Variants in RP1 observed in about 807,000 individuals in gnomAD.
RP1 encodes oxygen-regulated protein 1.
RP1 carries 16 observed loss-of-function variants against 14.8 expected under a neutral mutation model. The observed-to-expected ratio is 1.08, with a 90% CI of 0.73 to 1.65. The LOEUF (loss-of-function observed/expected upper bound fraction) is 1.65, where lower values mean the gene tolerates loss of function less well. RP1 is among the 40% of genes most tolerant of loss of function. The probability of loss-of-function intolerance (pLI) is 0.00; values close to 1 mark genes in which losing one functional copy is unlikely to be tolerated. For missense variants in RP1, 2,631 were observed against 2,535.0 expected (o/e 1.04, Z -0.81); for synonymous variants, 876 against 883.6 (o/e 0.99, Z 0.15).
downstream of RP1, among the ~76,000 whole-genome samples, chr8:54,632,420 C>G (rs2129319527): frequency 6.6e-6 from 1 of 152,326 alleles, no homozygotes; most frequent in East Asian, 1.9e-4. Context: ...TAACATACTT[C>G]TTCTTTAAAC....
At chr8:54,590,732 G>T (rs577748256) in intron 1 of RP1, among the ~76,000 whole-genome samples, 1 of 152,132 alleles carries the variant, frequency 6.6e-6, no homozygotes, top group Admixed American at 6.5e-5. Flanking sequence ...ATCTGCAAGC[G>T]TATTACTCTC....
At chr8:54,827,473 T>A (rs1169883221) in intron 24 of RP1, among the ~76,000 whole-genome samples, 1 of 152,034 alleles carries the variant, frequency 6.6e-6, no homozygotes, top group East Asian at 1.9e-4. Flanking sequence ...GGACTCCAGG[T>A]GCGTGCCACC....
intron 24 of RP1, among the ~76,000 whole-genome samples, chr8:54,793,979 A>G (rs1164223391): frequency 6.6e-6 from 1 of 152,004 alleles, no homozygotes; most frequent in Non-Finnish European, 1.5e-5. Context: ...TGCAAGCTAC[A>G]AAATCAACAT....
exon 14 of RP1, chr8:54,701,520 T>C (rs1328134639): frequency 1.3e-6 from 2 of 1,535,160 alleles, no homozygotes; most frequent in Admixed American, 3.9e-5. Context: ...CTGCGGGTGC[T>C]TTATCAGCCT....
intron 24 of RP1, among the ~76,000 whole-genome samples, chr8:54,830,843 C>T (rs1344398524): frequency 6.6e-6 from 1 of 152,100 alleles, no homozygotes; most frequent in Non-Finnish European, 1.5e-5. Context: ...ACTCTGTACA[C>T]ATTCAGCAAT....
chr8:54,654,043 G>A (rs919028436), intron 5 of RP1, among the ~76,000 whole-genome samples: 8 of 152,182 alleles, frequency 5.3e-5, no homozygotes, highest in Admixed American at 2.0e-4. Flanking sequence ...TCTATGGCAA[G>A]TATTCTCTCA....
intron 1 of RP1, among the ~76,000 whole-genome samples, chr8:54,588,882 A>G (rs1804987848): frequency 6.6e-6 from 1 of 152,254 alleles, no homozygotes; most frequent in Non-Finnish European, 1.5e-5. Context: ...AGCACTTAAC[A>G]TATGTACTCA....
At chr8:54,672,708 T>C (rs1807205090) in intron 7 of RP1, among the ~76,000 whole-genome samples, 1 of 152,194 alleles carries the variant, frequency 6.6e-6, no homozygotes, top group Non-Finnish European at 1.5e-5. Flanking sequence ...ATTATTTTAT[T>C]ATTTCTAATG....
intron 22 of RP1, among the ~76,000 whole-genome samples, chr8:54,759,512 G>A (rs1809587496): frequency 6.6e-6 from 1 of 152,144 alleles, no homozygotes; most frequent in Non-Finnish European, 1.5e-5. Flanking sequence ...TAGGTAAGTT[G>A]GACTTTCCTT....
At chr8:54,814,444 T>C (rs1006508975) in intron 24 of RP1, among the ~76,000 whole-genome samples, 4 of 152,218 alleles carry the variant, frequency 2.6e-5, no homozygotes, top group Non-Finnish European at 5.9e-5. Flanking sequence ...CATGGAGTGG[T>C]TGCTGGTTTT....
chr8:54,792,161 T>A (rs191357582), intron 24 of RP1, among the ~76,000 whole-genome samples: 1 of 152,098 alleles, frequency 6.6e-6, no homozygotes, highest in Non-Finnish European at 1.5e-5. Context: ...GATAGAACAA[T>A]TATAAATATT....
intron 26 of RP1, among the ~76,000 whole-genome samples, chr8:54,854,190 T>C (rs1812133525): frequency 6.6e-6 from 1 of 152,194 alleles, no homozygotes; most frequent in Admixed American, 6.5e-5. Context: ...TGCAGTCAAA[T>C]ACACCTAAAA....
intron 19 of RP1, among the ~76,000 whole-genome samples, chr8:54,744,986 A>G (rs1809189210): frequency 6.6e-6 from 1 of 152,164 alleles, no homozygotes. Flanking sequence ...AAAATAAACA[A>G]TAGCACAGAT....
At chr8:54,588,569 A>G (rs1197364371) in intron 1 of RP1, among the ~76,000 whole-genome samples, 1 of 152,178 alleles carries the variant, frequency 6.6e-6, no homozygotes, top group Non-Finnish European at 1.5e-5. Flanking sequence ...CACTAAACCA[A>G]CTTTTAAGTT....
intron 24 of RP1, among the ~76,000 whole-genome samples, chr8:54,807,745 T>G (rs909459848): frequency 1.3e-5 from 2 of 152,088 alleles, no homozygotes; most frequent in Non-Finnish European, 2.9e-5. Flanking sequence ...TCCTTAAAAT[T>G]GTGATTGTGG....
intron 24 of RP1, among the ~76,000 whole-genome samples, chr8:54,786,509 T>C (rs1810321199): frequency 6.6e-6 from 1 of 151,992 alleles, no homozygotes. Context: ...TCAAGACTAT[T>C]GTGGAGTTGG....
chr8:54,801,686 G>C (rs1810711432), intron 24 of RP1, among the ~76,000 whole-genome samples: 1 of 152,132 alleles, frequency 6.6e-6, no homozygotes, highest in South Asian at 2.1e-4. Flanking sequence ...AAGTCTGCAA[G>C]AGAGTGCAAA....
In RP1 at chr8:54,620,987, T is replaced by G. The variant is rs377126381; in HGVS notation, c.21T>G (p.Thr7=). Residue 7 remains threonine (T), a synonymous_variant, in exon 2 of 4, where the codon ACT becomes ACG. Coordinates refer to ENST00000220676, the MANE Select transcript of RP1 (RefSeq NM_006269.2). MSDTPS[T]GFSIIHPTSS... ...CCAAAATGAGTGATACCCCTTCTAC[T>G]GGTTTTTCCATCATTCATCCTACGT... 163 of 1,614,078 alleles carry G rather than the reference T, an allele frequency of 1.0e-4. No individual in the cohort carries two copies. The highest frequency in any genetic ancestry group is 1.3e-4 in the Non-Finnish European group (158 of 1,180,042).
At chr8:54,559,350 G>C (rs1446316823) in intron 1 of RP1, 1 of 152,106 alleles carries the variant, frequency 6.6e-6, no homozygotes, top group African/African-American at 2.4e-5. Context: ...TTTTCTCCTT[G>C]CCTGTTTTAT....
Sources: allele counts gnomAD v4.1 joint callset (sites outside exome capture counted in the v4.1 genomes callset), GRCh38; gene constraint gnomAD v4.1.1; transcripts MANE v1.5; gene names NCBI Gene and HGNC (gene_info 2026-07-23, HGNC 2026-07-21).